Variants in FAF1 observed in about 807,000 individuals in gnomAD.
FAF1 encodes the protein Fas associated factor 1.
In FAF1, 25 loss-of-function variants were observed where a neutral mutation model predicts 92.5. That is an observed-to-expected ratio of 0.27 (90% CI 0.20 to 0.38). The LOEUF is 0.38. Ranked by LOEUF, FAF1 falls within the 10% of genes least tolerant of loss-of-function variation. The pLI, the probability that FAF1 is intolerant of heterozygous loss-of-function variation, is 1.00. For missense variants in FAF1, 636 were observed against 793.3 expected, an observed-to-expected ratio of 0.80 and a Z score of 2.38; for synonymous variants, 234 against 273.2, an observed-to-expected ratio of 0.86 and a Z score of 1.42.
At chr1:50,786,358 C>T (rs573408431) in intron 4 of FAF1, among the ~76,000 whole-genome samples, 36 of 152,098 alleles carry the variant, frequency 2.4e-4, no homozygotes, top group Admixed American at 2.2e-3. Context: ...GCCATCACAG[C>T]GGGCAAATAC....
Position 50,584,771 on chromosome 1 carries a change from T to C in FAF1, c.881A>G (p.Asp294Gly), listed in dbSNP as rs1198392354. The change falls in exon 10 of 19, where the codon GAT becomes GGT. Residue 294 changes from aspartate (D) to glycine (G), a missense_variant. Transcript: ENST00000396153. Reference protein sequence around the residue: ...DVHMVSDSDGDDFEDATEFGV... With the variant: ...DVHMVSDSDGGDFEDATEFGV... ...AAATTCTGTAGCATCTTCAAAGTCA[T>C]CTCCATCGCTATCACTAACCATATG... The C allele has an allele frequency of 6.2e-7, 1 of 1,613,624 alleles. No homozygotes were observed. The highest frequency in any genetic ancestry group is 8.5e-7 in the Non-Finnish European group (1 of 1,179,626).
intron 7 of FAF1, among the ~76,000 whole-genome samples, chr1:50,676,464 T>TAA (rs202132117): frequency 6.8e-6 from 1 of 148,086 alleles, no homozygotes; most frequent in Admixed American, 6.8e-5. Context: ...CTTATTTCAG[T>TAA]AAAAAAAAAG....
intron 5 of FAF1, among the ~76,000 whole-genome samples, chr1:50,744,245 A>G (rs1659502762): frequency 6.6e-6 from 1 of 152,206 alleles, no homozygotes. Context: ...TAAATTCTCC[A>G]AGTTTAAAAA....
At position 50,725,756 on chromosome 1, in the gene FAF1, A is replaced by C. The variant is rs533011408; in HGVS notation, c.551+13107T>G. Among the ~76,000 whole-genome samples, 3 of 152,210 alleles carry C rather than the reference A, an allele frequency of 2.0e-5. No individual in the cohort carries two copies. The South Asian group carries it at 6.2e-4, about 32-fold the overall frequency. On this transcript the variant is annotated intron_variant, in intron 6 of 18. Coordinates refer to ENST00000396153, the MANE Select transcript of FAF1 (RefSeq NM_007051.3). ...TAGGCGTGAGCCACCACACCTGGCC[A>C]AAAAGCCATATATTTTAACACCACT... is the stretch of plus-strand genomic sequence containing the variant.
chr1:50,757,275 T>G (rs1261142399), intron 4 of FAF1, among the ~76,000 whole-genome samples: 2 of 152,244 alleles, frequency 1.3e-5, no homozygotes, highest in African/African-American at 4.8e-5. Flanking sequence ...GCTGTTCAGA[T>G]TTTTTGTCTG....
chr1:50,903,099 T>C (rs1007778180), intron 1 of FAF1, among the ~76,000 whole-genome samples: 1 of 152,152 alleles, frequency 6.6e-6, no homozygotes, highest in Admixed American at 6.6e-5. Context: ...TCTTGAAATG[T>C]AGGAACTGTC....
chr1:50,829,125 G>A (rs1436259538), intron 2 of FAF1, among the ~76,000 whole-genome samples: 3 of 152,176 alleles, frequency 2.0e-5, no homozygotes, highest in Admixed American at 6.5e-5. Context: ...GGTAGTGAGT[G>A]GCAAGAATGT....
intron 13 of FAF1, among the ~76,000 whole-genome samples, chr1:50,560,596 C>CT (rs1299298097): frequency 2.0e-5 from 3 of 152,348 alleles, no homozygotes; most frequent in Admixed American, 2.0e-4. Context: ...TGATTTAACA[C>CT]TTAGTAGCAT....
At chr1:50,841,036 T>C (rs889062560) in intron 2 of FAF1, among the ~76,000 whole-genome samples, 4 of 152,034 alleles carry the variant, frequency 2.6e-5, no homozygotes, top group Non-Finnish European at 4.4e-5. Flanking sequence ...TTGATAAAAA[T>C]AGTTAATAGT....
chr1:50,501,680 AGACT>A (rs1287938021), intron 15 of FAF1, among the ~76,000 whole-genome samples: 1 of 151,986 alleles, frequency 6.6e-6, no homozygotes, highest in African/African-American at 2.4e-5. Flanking sequence ...AAAAAAGAAA[AGACT>A]AACTATACAA....
chr1:50,480,435 C>A (rs976240792), intron 17 of FAF1, among the ~76,000 whole-genome samples: 1 of 152,190 alleles, frequency 6.6e-6, no homozygotes, highest in African/African-American at 2.4e-5. Context: ...CGGTTTATAG[C>A]TGGCTGAGGC....
At chr1:50,441,581 T>C in intron 18 of FAF1, 58 bp from the exon 19 acceptor site, 1 of 984,612 alleles carries the variant, frequency 1.0e-6, no homozygotes, top group Non-Finnish European at 1.5e-6. Flanking sequence ...ATTCTCTACA[T>C]GGCCTTCATT....
chr1:50,760,162 T>G (rs1392499318), intron 4 of FAF1, among the ~76,000 whole-genome samples: 1 of 152,134 alleles, frequency 6.6e-6, no homozygotes, highest in African/African-American at 2.4e-5. Flanking sequence ...ATGCACCCAA[T>G]ACAGGAGCAC....
chr1:50,692,058 A>T (rs934347372), intron 7 of FAF1, among the ~76,000 whole-genome samples: 7 of 152,152 alleles, frequency 4.6e-5, no homozygotes, highest in Non-Finnish European at 8.8e-5. Context: ...TCTACAAAAA[A>T]TACAAAAATT....
At chr1:50,599,062 T>G (rs1237750884) in intron 8 of FAF1, among the ~76,000 whole-genome samples, 1 of 152,190 alleles carries the variant, frequency 6.6e-6, no homozygotes, top group African/African-American at 2.4e-5. Flanking sequence ...AAGGTCAAAA[T>G]TATTTCATAA....
At chr1:50,529,671 C>G (rs909332451) in intron 15 of FAF1, among the ~76,000 whole-genome samples, 2 of 152,168 alleles carry the variant, frequency 1.3e-5, no homozygotes, top group Non-Finnish European at 2.9e-5. Context: ...ACCTGTTCCA[C>G]CTGCCTTGTA....
chr1:50,444,032 C>A (rs1646199902), intron 18 of FAF1, among the ~76,000 whole-genome samples: 1 of 152,168 alleles, frequency 6.6e-6, no homozygotes, highest in Non-Finnish European at 1.5e-5. Context: ...CCCTCTGGTG[C>A]CCTAAAAATA....
intron 15 of FAF1, among the ~76,000 whole-genome samples, chr1:50,513,089 C>T (rs1212855052): frequency 6.6e-6 from 1 of 152,112 alleles, no homozygotes; most frequent in Non-Finnish European, 1.5e-5. Flanking sequence ...AAATGGAAAA[C>T]CAGATGGTGG....
At chr1:50,847,968 G>T (rs1557557134) in intron 2 of FAF1, among the ~76,000 whole-genome samples, 1 of 151,722 alleles carries the variant, frequency 6.6e-6, no homozygotes, top group Non-Finnish European at 1.5e-5. Flanking sequence ...CTTAAAAAAG[G>T]CTGTCAACAC....
Sources: gnomAD v4.1 joint callset for allele counts (sites outside exome capture counted in the v4.1 genomes callset) on GRCh38, gnomAD v4.1.1 for gene constraint, MANE v1.5 for transcripts, NCBI Gene and HGNC (gene_info 2026-07-23, HGNC 2026-07-21) for gene names.